The following DNMT1 variants were observed in gnomAD, a reference collection of about 807,000 sequenced individuals.
The protein encoded by DNMT1 is DNA methyltransferase 1.
Under a neutral mutation model 205.3 loss-of-function variants are expected in DNMT1, and 24 were observed. The observed-to-expected ratio is 0.12, with a 90% CI of 0.08 to 0.16. The LOEUF is 0.16. Ranked by LOEUF, DNMT1 falls within the 10% of genes least tolerant of loss-of-function variation. DNMT1 has a pLI of 1.00. For missense variants in DNMT1, 1,293 were observed against 2,177.7 expected, an observed-to-expected ratio of 0.59 and a Z score of 8.09; for synonymous variants, 817 against 839.8, an observed-to-expected ratio of 0.97 and a Z score of 0.47.
intron 29 of DNMT1, among the ~76,000 whole-genome samples, chr19:10,143,504 C>A (rs1599351529): frequency 6.6e-6 from 1 of 150,746 alleles, no homozygotes; most frequent in African/African-American, 2.4e-5. Flanking sequence ...GGATTAGAGG[C>A]GTGAGCTACA....
intron 5 of DNMT1, among the ~76,000 whole-genome samples, chr19:10,178,032 G>C (rs1035501724): frequency 6.6e-6 from 1 of 151,828 alleles, no homozygotes; most frequent in Non-Finnish European, 1.5e-5. Flanking sequence ...GGCAAGACGG[G>C]CAGATCACAA....
At position 10,135,756 on chromosome 19, in the gene DNMT1, T is replaced by A; in HGVS notation, c.4753A>T (p.Ile1585Phe). 6.2e-7 allele frequency: 1 copy of A among 1,606,468 alleles called. No individual in the cohort carries two copies. The highest frequency in any genetic ancestry group is 8.5e-7 in the Non-Finnish European group (1 of 1,177,750). ...CTGACCTGCCGGTGCTTGTCCAGGA[T>A]GTTGCCGAAGAGCCGGTAGGTGTCA... ...FPDTYRLFGN[I>F]LDKHRQVGNA... Residue 1585 changes from isoleucine to phenylalanine, a missense_variant, in exon 39 of 41, where the codon ATC becomes TTC. This residue lies in a region of DNMT1 where 24 missense variants were observed against 58.0 expected (regional missense o/e 0.41). Transcript: ENST00000359526.
At chr19:10,183,413 C>G (rs2039118740) in intron 1 of DNMT1, among the ~76,000 whole-genome samples, 1 of 152,070 alleles carries the variant, frequency 6.6e-6, no homozygotes, top group African/African-American at 2.4e-5. Context: ...TCATGCCCAG[C>G]CTGTATATTT....
intron 5 of DNMT1, among the ~76,000 whole-genome samples, chr19:10,179,559 C>T (rs1259149164): frequency 6.6e-6 from 1 of 152,066 alleles, no homozygotes; most frequent in East Asian, 1.9e-4. Flanking sequence ...AAGACGTACA[C>T]ATCTAAGCTA....
At chr19:10,193,224 G>A (rs2039334675) in intron 1 of DNMT1, among the ~76,000 whole-genome samples, 2 of 152,128 alleles carry the variant, frequency 1.3e-5, no homozygotes, top group African/African-American at 4.8e-5. Context: ...TCTGGGCATG[G>A]TGGTGGGCGC....
intron 2 of DNMT1, among the ~76,000 whole-genome samples, chr19:10,181,214 G>C (rs1368803245): frequency 6.6e-6 from 1 of 152,118 alleles, no homozygotes; most frequent in Non-Finnish European, 1.5e-5. Context: ...GGGAGGCCGA[G>C]GCAAGTGGAT....
intron 27 of DNMT1, among the ~76,000 whole-genome samples, chr19:10,148,229 G>A (rs6511610): frequency 0.47 from 70,979 of 150,296 alleles, 18,100 homozygotes; most frequent in African/African-American, 0.66. Flanking sequence ...AGGTGTGGTG[G>A]CTCACGCCTG....
Position 10,138,622 on chromosome 19 carries a change from C to T in DNMT1, c.3949-17G>A, listed in dbSNP as rs1332171057. Reference sequence around the variant, plus strand: ...CTGACCGGCCTGTGGGGGAGAAGGACGGACAACCCCACCGTCAGTGGGACA... The same window carrying T: ...CTGACCGGCCTGTGGGGGAGAAGGATGGACAACCCCACCGTCAGTGGGACA... On this transcript the variant is annotated splice_polypyrimidine_tract_variant and intron_variant, in intron 34 of 40. Transcript: ENST00000359526. The surrounding 1 kb of genome is among the most constrained non-coding windows in gnomAD (Gnocchi z 4.1). The T allele has an allele frequency of 6.3e-6, 10 of 1,598,102 alleles. No individual in the cohort carries two copies. Among genetic ancestry groups the T allele is most frequent in the African/African-American group, 1.3e-5 (1 of 74,864 alleles).
intron 6 of DNMT1, among the ~76,000 whole-genome samples, chr19:10,176,588 T>C (rs2145367639): frequency 6.6e-6 from 1 of 152,334 alleles, no homozygotes; most frequent in East Asian, 1.9e-4. Context: ...CTGGGCACGG[T>C]GGCTCACGCC....
chr19:10,171,873 G>A (rs1330314238), intron 9 of DNMT1, among the ~76,000 whole-genome samples: 1 of 151,858 alleles, frequency 6.6e-6, no homozygotes, highest in South Asian at 2.1e-4. Context: ...CAGGTGTGGT[G>A]GCAGGCGCCT....
chr19:10,181,901 T>C, intron 2 of DNMT1, 140 bp downstream of exon 2: 3 of 727,702 alleles, frequency 4.1e-6, no homozygotes, highest in Non-Finnish European at 7.0e-6. Context: ...TGCTGACATT[T>C]AACAAGAATA....
rs377355204 is a variant in DNMT1, at chr19:10,146,534, A to T, written c.2721-10T>A. Reference sequence around the variant, plus strand: ...ACAGCTCACACAGAATCTGAAGGAAACAAAGGGACAGAAACATAAGGCCCT... The same window carrying T: ...ACAGCTCACACAGAATCTGAAGGAATCAAAGGGACAGAAACATAAGGCCCT... On this transcript the variant is annotated splice_polypyrimidine_tract_variant and intron_variant, in intron 27 of 40. Coordinates refer to ENST00000359526, the MANE Select transcript of DNMT1 (RefSeq NM_001130823.3). The surrounding 1 kb of genome is among the most constrained non-coding windows in gnomAD (Gnocchi z 4.4). 2.2e-4 allele frequency: 354 copies of T among 1,613,878 alleles called. 1 individual carries two copies. The highest frequency in any genetic ancestry group is 2.9e-4 in the Non-Finnish European group (342 of 1,180,038).
intron 1 of DNMT1, among the ~76,000 whole-genome samples, chr19:10,188,957 C>T (rs1329547653): frequency 5.3e-5 from 8 of 152,146 alleles, no homozygotes; most frequent in Non-Finnish European, 1.2e-4. Flanking sequence ...CCCTGGAGCC[C>T]CCAGAAAGGA....
At chr19:10,150,499 T>G (rs2038316598) in intron 24 of DNMT1, among the ~76,000 whole-genome samples, 1 of 152,154 alleles carries the variant, frequency 6.6e-6, no homozygotes, top group Non-Finnish European at 1.5e-5. Context: ...CCCAGCCCCC[T>G]ACCCTGCAGA....
In DNMT1 at chr19:10,162,620, G is replaced by GAA. The variant is rs573823039; in HGVS notation, c.1008+45_1008+46dup. 2.7e-3 allele frequency: 3,482 copies of GAA among 1,308,270 alleles called. 32 individuals carry two copies. The highest frequency in any genetic ancestry group is 4.0e-3 in the Middle Eastern group (19 of 4,726). 81.0% of individuals were successfully genotyped at this position (1,308,270 alleles called of 1,614,324 possible). On this transcript the variant is annotated intron_variant, in intron 13 of 40. Transcript: ENST00000359526. ...CAACATGGCGAAACCCCGTCTTGGG[G>GAA]AAAAAAAAAAAAAAAAAAAAGAAAG...
At chr19:10,178,383 C>T (rs944310538) in intron 5 of DNMT1, among the ~76,000 whole-genome samples, 1 of 152,032 alleles carries the variant, frequency 6.6e-6, no homozygotes, top group Non-Finnish European at 1.5e-5. Context: ...ATGGTGAAAC[C>T]CTGTCTCTAC....
At chr19:10,191,117 G>T (rs933319082) in intron 1 of DNMT1, among the ~76,000 whole-genome samples, 3 of 149,684 alleles carry the variant, frequency 2.0e-5, no homozygotes, top group African/African-American at 7.4e-5. Flanking sequence ...CAGCCTCGAG[G>T]GGGAAAAAGA....
intron 13 of DNMT1, among the ~76,000 whole-genome samples, chr19:10,160,687 G>A (rs2038549634): frequency 6.6e-6 from 1 of 152,076 alleles, no homozygotes; most frequent in Non-Finnish European, 1.5e-5. Flanking sequence ...TGGAGGTCAG[G>A]AGTTCCAGAC....
intron 1 of DNMT1, among the ~76,000 whole-genome samples, chr19:10,188,046 G>A (rs536830317): frequency 6.6e-6 from 1 of 152,184 alleles, no homozygotes; most frequent in Non-Finnish European, 1.5e-5. Flanking sequence ...GGAGACTGAG[G>A]CAGGAGGATC....
Sources: allele counts gnomAD v4.1 joint callset (sites outside exome capture counted in the v4.1 genomes callset), GRCh38; gene constraint gnomAD v4.1.1; regional missense constraint gnomAD v4.1.1; non-coding constraint Gnocchi (gnomAD v3.1); transcripts MANE v1.5; gene names NCBI Gene and HGNC (gene_info 2026-07-23, HGNC 2026-07-21).